GRID2: variants seen among roughly 807,000 people sequenced by gnomAD.
GRID2 encodes glutamate receptor ionotropic, delta-2.
A neutral mutation model predicts 114.8 loss-of-function variants in GRID2; 33 were observed. The observed-to-expected ratio is 0.29, with a 90% CI of 0.22 to 0.38. GRID2 has a LOEUF of 0.38. Among genes scored for constraint, GRID2 ranks in the 10% least tolerant of loss-of-function variants. GRID2 has a pLI of 1.00. For missense variants in GRID2, 1,184 were observed against 1,257.7 expected, an observed-to-expected ratio of 0.94 and a Z score of 0.89; for synonymous variants, 505 against 449.9, an observed-to-expected ratio of 1.12 and a Z score of -1.55.
intron 14 of GRID2, among the ~76,000 whole-genome samples, chr4:93,689,542 C>T (rs1315350606): frequency 6.6e-6 from 1 of 151,886 alleles, no homozygotes; most frequent in African/African-American, 2.4e-5. Context: ...GTGACTCTGC[C>T]CATCAATGAA....
intron 8 of GRID2, among the ~76,000 whole-genome samples, chr4:93,301,544 TTAA>T (rs1325150728): frequency 8.5e-5 from 13 of 152,276 alleles, no homozygotes; most frequent in African/African-American, 2.6e-4. Context: ...AAAACAGATG[TTAA>T]TGATGATAAT....
intron 1 of GRID2, among the ~76,000 whole-genome samples, chr4:92,433,453 C>T (rs566687763): frequency 6.6e-6 from 1 of 152,320 alleles, no homozygotes; most frequent in Admixed American, 6.5e-5. Context: ...TCCCCTCTGG[C>T]TAGGTCTCAT....
chr4:92,701,089 C>T (rs1377370799), intron 2 of GRID2, among the ~76,000 whole-genome samples: 2 of 151,600 alleles, frequency 1.3e-5, no homozygotes, highest in East Asian at 3.9e-4. Flanking sequence ...AATGCTTTAA[C>T]ATTTACCAGA....
At chr4:93,110,716 C>G in intron 3 of GRID2, 32 bp from the exon 4 acceptor site, 1 of 1,360,342 alleles carries the variant, frequency 7.4e-7, no homozygotes, top group Non-Finnish European at 1.1e-6. Context: ...CAATAATTCA[C>G]AGGTATTTTG....
chr4:93,292,920 TTTTAAC>T (rs1753897704), intron 8 of GRID2, among the ~76,000 whole-genome samples: 1 of 152,176 alleles, frequency 6.6e-6, no homozygotes, highest in African/African-American at 2.4e-5. Flanking sequence ...GTGTGATCAT[TTTTAAC>T]AGCCCCGGAG....
chr4:93,089,246 G>A (rs970312130), intron 3 of GRID2, among the ~76,000 whole-genome samples: 1 of 152,068 alleles, frequency 6.6e-6, no homozygotes. Context: ...AAAAGTAAGT[G>A]TATAAATTAC....
chr4:92,735,695 A>G (rs1736557554), intron 2 of GRID2, among the ~76,000 whole-genome samples: 2 of 152,106 alleles, frequency 1.3e-5, no homozygotes, highest in Non-Finnish European at 1.5e-5. Context: ...TTTCAATTGT[A>G]TGAATGTTTC....
chr4:93,040,938 T>C (rs892056099), intron 2 of GRID2, among the ~76,000 whole-genome samples: 6 of 152,144 alleles, frequency 3.9e-5, no homozygotes, highest in Admixed American at 3.3e-4. Flanking sequence ...TTTCCAGCAG[T>C]GGTTATCTTG....
intron 4 of GRID2, among the ~76,000 whole-genome samples, chr4:93,199,820 A>G (rs941203677): frequency 1.3e-5 from 2 of 152,190 alleles, no homozygotes; most frequent in African/African-American, 4.8e-5. Context: ...ATCTAAACAA[A>G]TAATACTCCA....
intron 2 of GRID2, among the ~76,000 whole-genome samples, chr4:92,660,069 C>T (rs756297514): frequency 5.3e-5 from 8 of 151,284 alleles, no homozygotes; most frequent in African/African-American, 9.7e-5. Context: ...AGAATATCCA[C>T]GAAAATATCA....
chr4:92,969,919 T>C (rs1266692440), intron 2 of GRID2, among the ~76,000 whole-genome samples: 1 of 151,896 alleles, frequency 6.6e-6, no homozygotes, highest in Non-Finnish European at 1.5e-5. Flanking sequence ...TCTTAAAACA[T>C]AAAATAGTTT....
intron 8 of GRID2, among the ~76,000 whole-genome samples, chr4:93,354,036 C>A (rs1761067042): frequency 6.6e-6 from 1 of 151,252 alleles, no homozygotes; most frequent in Non-Finnish European, 1.5e-5. Context: ...CACACACACA[C>A]ACACACATAT....
intron 6 of GRID2, among the ~76,000 whole-genome samples, chr4:93,218,767 T>C (rs1744532487): frequency 6.6e-6 from 1 of 152,192 alleles, no homozygotes; most frequent in African/African-American, 2.4e-5. Context: ...AGGGAAGAGG[T>C]TTAATTTACT....
chr4:92,697,572 T>C (rs1734478313), intron 2 of GRID2, among the ~76,000 whole-genome samples: 1 of 152,112 alleles, frequency 6.6e-6, no homozygotes, highest in Non-Finnish European at 1.5e-5. Flanking sequence ...CTGGGAGTCT[T>C]TTGTAGTAAT....
intron 4 of GRID2, among the ~76,000 whole-genome samples, chr4:93,112,498 G>A (rs1022343929): frequency 6.6e-6 from 1 of 152,064 alleles, no homozygotes; most frequent in African/African-American, 2.4e-5. Context: ...ACTCTCTCCT[G>A]CCTCCTTGTG....
At chr4:92,882,029 A>G (rs1746057939) in intron 2 of GRID2, among the ~76,000 whole-genome samples, 1 of 152,210 alleles carries the variant, frequency 6.6e-6, no homozygotes, top group Non-Finnish European at 1.5e-5. Flanking sequence ...AGTAAGGATT[A>G]GAGCCAGCTG....
chr4:93,733,267 G>GA (rs35161418), intron 14 of GRID2, among the ~76,000 whole-genome samples: 4 of 151,994 alleles, frequency 2.6e-5, no homozygotes, highest in South Asian at 2.1e-4. Flanking sequence ...ATATATCCTT[G>GA]AAAAAACCCC....
intron 1 of GRID2, among the ~76,000 whole-genome samples, chr4:92,457,083 T>G (rs1721252910): frequency 6.6e-6 from 1 of 152,178 alleles, no homozygotes; most frequent in South Asian, 2.1e-4. Context: ...TTTCTAGATA[T>G]TCTAGGTTTT....
chr4:93,282,190 C>A (rs1752718112), intron 8 of GRID2, among the ~76,000 whole-genome samples: 1 of 151,902 alleles, frequency 6.6e-6, no homozygotes, highest in African/African-American at 2.4e-5. Context: ...GGAGAAAATT[C>A]ATGTTCATTT....
Sources: gnomAD v4.1 joint callset for allele counts (sites outside exome capture counted in the v4.1 genomes callset) on GRCh38, gnomAD v4.1.1 for gene constraint, MANE v1.5 for transcripts, NCBI Gene and HGNC (gene_info 2026-07-23, HGNC 2026-07-21) for gene names.